SARS1: variants seen among roughly 807,000 people sequenced by gnomAD.
The protein encoded by SARS1 is serine--tRNA ligase, cytoplasmic.
In SARS1, 25 loss-of-function variants were observed where a neutral mutation model predicts 63.7. The observed-to-expected ratio is 0.39, with a 90% CI of 0.29 to 0.55. The LOEUF is 0.55. SARS1 is among the 20% of genes least tolerant of loss of function. SARS1 has a pLI of 0.62. For missense variants in SARS1, 417 were observed against 649.7 expected, an observed-to-expected ratio of 0.64 and a Z score of 3.89; for synonymous variants, 231 against 243.5, an observed-to-expected ratio of 0.95 and a Z score of 0.48.
At chr1:109,226,733 T>C (rs79444045) in intron 2 of SARS1, among the ~76,000 whole-genome samples, 50 of 66,450 alleles carry the variant, frequency 7.5e-4, no homozygotes, top group African/African-American at 1.5e-3. Flanking sequence ...CACACATATA[T>C]ATATATTTAT....
At chr1:109,225,748 A>C (rs554238465) in intron 2 of SARS1, among the ~76,000 whole-genome samples, 8 of 152,352 alleles carry the variant, frequency 5.3e-5, no homozygotes, top group South Asian at 2.1e-4. Flanking sequence ...GAATCGGCTT[A>C]GGAAATTAAA....
intron 2 of SARS1, among the ~76,000 whole-genome samples, chr1:109,225,748 A>G (rs554238465): frequency 6.6e-6 from 1 of 152,234 alleles, no homozygotes; most frequent in East Asian, 1.9e-4. Context: ...GAATCGGCTT[A>G]GGAAATTAAA....
At position 109,214,199 on chromosome 1, in the gene SARS1, C is replaced by T; in HGVS notation, c.136+71C>T. ...TTTTCTCTCTCAAATCCAGCCACCG[C>T]TCCTGAGGCCACAGCTTCCACCCTT... On this transcript the variant is annotated intron_variant, in intron 1 of 10. Transcript: ENST00000234677. This position sits in a 1 kb window ranked among gnomAD's most constrained non-coding sequence, Gnocchi z 4.6. The T allele has an allele frequency of 6.5e-7, 1 of 1,536,170 alleles. No homozygotes were observed. Among genetic ancestry groups the T allele is most frequent in the East Asian group, 2.4e-5 (1 of 42,020 alleles).
In SARS1 at chr1:109,235,534, T is replaced by TTTCC; in HGVS notation, c.969+105_969+108dup. On this transcript the variant is annotated intron_variant, in intron 7 of 10. Transcript: ENST00000234677. The surrounding 1 kb of genome is among the most constrained non-coding windows in gnomAD (Gnocchi z 4.7). ...GCTGAGGCCCATCCTGGCTCCAGCT[T>TTTCC]TTCCTCTCATTGCTTACCTCTGTGT... 1 of 898,278 alleles carries TTTCC rather than the reference T, an allele frequency of 1.1e-6. No individual in the cohort carries two copies. Among genetic ancestry groups the TTTCC allele is most frequent in the Non-Finnish European group, 1.7e-6 (1 of 586,800 alleles). 55.6% of individuals were successfully genotyped at this position (898,278 alleles called of 1,614,324 possible). A position where few individuals can be genotyped will look rare whatever the true frequency, so the allele number is the denominator to read the frequency against.
At position 109,237,626 on chromosome 1, in the gene SARS1, C is replaced by T. The variant is rs1655341290; in HGVS notation, c.1388-105C>T. ...GGAAACCAGTGCCTATCAAAGGGAC[C>T]CCTCTGTTCAAAGGGATCATTGTCT... On this transcript the variant is annotated intron_variant, in intron 10 of 10. Transcript: ENST00000234677. The surrounding 1 kb of genome is among the most constrained non-coding windows in gnomAD (Gnocchi z 4.1). 7.7e-7 allele frequency: 1 copy of T among 1,304,412 alleles called. No individual in the cohort carries two copies. The highest frequency in any genetic ancestry group is 2.3e-5 in the Admixed American group (1 of 44,198). 80.8% of individuals were successfully genotyped at this position (1,304,412 alleles called of 1,614,324 possible). A position where few individuals can be genotyped will look rare whatever the true frequency, so the allele number is the denominator to read the frequency against.
chr1:109,220,512 C>T (rs918305341), intron 1 of SARS1, among the ~76,000 whole-genome samples: 1 of 152,100 alleles, frequency 6.6e-6, no homozygotes, highest in Non-Finnish European at 1.5e-5. Flanking sequence ...ATTTGGATAG[C>T]CTATTTTGAG....
chr1:109,215,955 C>A, intron 1 of SARS1: 2 of 813,148 alleles, frequency 2.5e-6, no homozygotes, highest in Non-Finnish European at 1.5e-6. Flanking sequence ...CCGCCTGCCT[C>A]AGCCTCCCAA....
At position 109,214,665 on chromosome 1, in the gene SARS1, G is replaced by A; in HGVS notation, c.136+537G>A. On this transcript the variant is annotated intron_variant, in intron 1 of 10. Transcript: ENST00000234677. The surrounding 1 kb of genome is among the most constrained non-coding windows in gnomAD (Gnocchi z 4.6). ...CTTGGCCAAAATAAATGACCCTGAA[G>A]CTTTTCGGAAGGCCATCCCCCGACC... 1.0e-6 allele frequency: 1 copy of A among 985,634 alleles called. No individual in the cohort carries two copies. The highest frequency in any genetic ancestry group is 5.2e-4 in the Middle Eastern group (1 of 1,914). The allele number at this position is 985,634 out of a possible 1,614,324, so 61.1% of individuals were successfully genotyped here. A position where few individuals can be genotyped will look rare whatever the true frequency, so the allele number is the denominator to read the frequency against.
At chr1:109,225,475 G>A (rs2101192873) in intron 2 of SARS1, among the ~76,000 whole-genome samples, 1 of 152,286 alleles carries the variant, frequency 6.6e-6, no homozygotes, top group Admixed American at 6.5e-5. Flanking sequence ...TGTACAGTCA[G>A]TGCCAGCTGG....
intron 4 of SARS1, 65 bp downstream of exon 4, chr1:109,229,637 G>A (rs1655164800): frequency 6.6e-6 from 10 of 1,514,708 alleles, no homozygotes; most frequent in South Asian, 3.6e-5. Context: ...GGGCGGGGAC[G>A]GGAGGAGATC....
At position 109,235,487 on chromosome 1, in the gene SARS1, G is replaced by C. The variant is rs1209948450; in HGVS notation, c.969+56G>C. The C allele has an allele frequency of 1.4e-6, 2 of 1,387,574 alleles. No individual in the cohort carries two copies. The highest frequency in any genetic ancestry group is 2.8e-5 in the African/African-American group (2 of 70,466). 86.0% of individuals were successfully genotyped at this position (1,387,574 alleles called of 1,614,324 possible). A position where few individuals can be genotyped will look rare whatever the true frequency, so the allele number is the denominator to read the frequency against. The stretch of plus-strand genomic sequence containing the variant: ...ACTTTCTCTGTCTCCAGAATGGTTA[G>C]ATGAGAGATAGGATCTGTGTTGCTG... On this transcript the variant is annotated intron_variant, in intron 7 of 10. Coordinates refer to ENST00000234677, the MANE Select transcript of SARS1 (RefSeq NM_006513.4). The surrounding 1 kb of genome is among the most constrained non-coding windows in gnomAD (Gnocchi z 4.7).
chr1:109,231,099 G>A, intron 5 of SARS1, 78 bp downstream of exon 5: 1 of 630,178 alleles, frequency 1.6e-6, no homozygotes, highest in Non-Finnish European at 2.1e-6. Flanking sequence ...TTTTTTTTTT[G>A]TAGAGAAACA....
At chr1:109,231,052 T>C (rs1655199376) in intron 5 of SARS1, 31 bp downstream of exon 5, 12 of 1,325,744 alleles carry the variant, frequency 9.1e-6, no homozygotes, top group Non-Finnish European at 1.2e-5. Context: ...AGGATAGGAT[T>C]ATGAAAAAGA....
In SARS1 at chr1:109,219,312, T is replaced by C. The variant is rs1216310972; in HGVS notation, c.137-4666T>C. ...ATAGTGTACATATACAGTATATATA[T>C]ACACTATATATTTATATACACACTA... On this transcript the variant is annotated intron_variant, in intron 1 of 10. Transcript: ENST00000234677. 2.9e-4 allele frequency among the ~76,000 whole-genome samples: 27 copies of C among 92,008 alleles called. 1 individual carries two copies. Among genetic ancestry groups the C allele is most frequent in the African/African-American group, 8.1e-4 (21 of 26,022 alleles). 60.4% of individuals were successfully genotyped at this position (92,008 alleles called of 152,430 possible).
At position 109,226,677 on chromosome 1, in the gene SARS1, A is replaced by ATATATAT. The variant is rs1553177727; in HGVS notation, c.208-1675_208-1674insTATATAT. Among the ~76,000 whole-genome samples the ATATATAT allele has an allele frequency of 4.9e-3, 219 of 44,908 alleles. 6 individuals carry two copies. The highest frequency in any genetic ancestry group is 0.014 in the African/African-American group (171 of 12,074). 29.5% of individuals were successfully genotyped at this position (44,908 alleles called of 152,430 possible). A position where few individuals can be genotyped will look rare whatever the true frequency, so the allele number is the denominator to read the frequency against. ...CCTGGCTAATTTAAAAAAAAAAAAA[A>ATATATAT]ATATATATATATATATATATACACA... On this transcript the variant is annotated intron_variant, in intron 2 of 10. Coordinates refer to ENST00000234677, the MANE Select transcript of SARS1 (RefSeq NM_006513.4).
Position 109,237,806 on chromosome 1 carries a change from A to T in SARS1, c.1463A>T (p.His488Leu). The T allele has an allele frequency of 6.2e-7, 1 of 1,614,232 alleles. No homozygotes were observed. Among genetic ancestry groups the T allele is most frequent in the Non-Finnish European group, 8.5e-7 (1 of 1,180,034 alleles). ...CCATCAAAGAAGCAGAAGAAGCAAC[A>T]TGAGGGCAGCAAAAAGAAAGCAGCA... Reference protein sequence around the residue: ...QEPSKKQKKQHEGSKKKAAAR... With the variant: ...QEPSKKQKKQLEGSKKKAAAR... Residue 488 changes from histidine to leucine, a missense_variant, in exon 11 of 11, where the codon CAT (histidine) becomes CTT (leucine). His to Leu is a moderately conservative substitution (Grantham distance 99). Coordinates refer to ENST00000234677, the MANE Select transcript of SARS1 (RefSeq NM_006513.4). The surrounding 1 kb of genome is among the most constrained non-coding windows in gnomAD (Gnocchi z 4.1).
chr1:109,225,014 A>C (rs559980661), intron 2 of SARS1, among the ~76,000 whole-genome samples: 2 of 152,198 alleles, frequency 1.3e-5, no homozygotes, highest in Non-Finnish European at 2.9e-5. Context: ...CTGAGGTGGG[A>C]GGATCACTTG....
At chr1:109,226,677 A>AAAAAAATATAT (rs1178056468) in intron 2 of SARS1, among the ~76,000 whole-genome samples, 2 of 44,978 alleles carry the variant, frequency 4.4e-5, no homozygotes, top group African/African-American at 8.3e-5. Context: ...AAAAAAAAAA[A>AAAAAAATATAT]ATATATATAT....
At chr1:109,226,691 TATATATACACAC>T (rs1185367318) in intron 2 of SARS1, among the ~76,000 whole-genome samples, 31 of 48,720 alleles carry the variant, frequency 6.4e-4, no homozygotes, top group Non-Finnish European at 1.1e-3. Flanking sequence ...TATATATATA[TATATATACACAC>T]ACACACACAC....
Sources: gnomAD v4.1 joint callset for allele counts (sites outside exome capture counted in the v4.1 genomes callset) on GRCh38, gnomAD v4.1.1 for gene constraint, Gnocchi (gnomAD v3.1) non-coding constraint, MANE v1.5 for transcripts, NCBI Gene and HGNC (gene_info 2026-07-23, HGNC 2026-07-21) for gene names.